SLK: variants seen among roughly 807,000 people sequenced by gnomAD.
The protein encoded by SLK is STE20 like kinase, also known as STE20-like serine/threonine-protein kinase.
A neutral mutation model predicts 147.7 loss-of-function variants in SLK; 67 were observed. The ratio of observed to expected loss-of-function variants is 0.45; its 90% confidence interval spans 0.37 to 0.56. The LOEUF is 0.56. Ranked by LOEUF, SLK falls within the 20% of genes least tolerant of loss-of-function variation. SLK has a pLI of 0.00. For missense variants in SLK, 1,136 were observed against 1,438.8 expected (o/e 0.79, Z 3.41); for synonymous variants, 441 against 475.0 (o/e 0.93, Z 0.93).
Position 104,020,460 on chromosome 10 carries a change from A to G in SLK, c.3322-28A>G, listed in dbSNP as rs757157367. ...TATAGAAATCACATGCTTCTGAACTATAGTTTATCTTTTTTTCTTATTTAT... is the reference window on the plus strand; with the variant it reads ...TATAGAAATCACATGCTTCTGAACTGTAGTTTATCTTTTTTTCTTATTTAT... On this transcript the variant is annotated intron_variant, in intron 16 of 18. Coordinates refer to ENST00000369755, the MANE Select transcript of SLK (RefSeq NM_014720.4). The G allele has an allele frequency of 3.8e-6, 6 of 1,597,958 alleles. No individual in the cohort carries two copies. In the Admixed American group the frequency reaches 5.2e-5, roughly 14 times the overall value.
chr10:103,981,429 A>C (rs1203788914), intron 1 of SLK, among the ~76,000 whole-genome samples: 1 of 152,148 alleles, frequency 6.6e-6, no homozygotes, highest in Non-Finnish European at 1.5e-5. Flanking sequence ...GTCCAGTATC[A>C]TAAAGCTTTT....
At chr10:103,987,392 C>G (rs759133806) in intron 1 of SLK, among the ~76,000 whole-genome samples, 1 of 152,096 alleles carries the variant, frequency 6.6e-6, no homozygotes, top group Non-Finnish European at 1.5e-5. Context: ...CGTCATTTTT[C>G]ATTGTAGAAC....
chr10:104,016,276 G>T (rs1229875758), intron 13 of SLK, among the ~76,000 whole-genome samples: 1 of 151,474 alleles, frequency 6.6e-6, no homozygotes, highest in South Asian at 2.1e-4. Flanking sequence ...CCGAGACCGT[G>T]CCACTGCATT....
intron 13 of SLK, among the ~76,000 whole-genome samples, chr10:104,016,751 T>C (rs1197691856): frequency 1.3e-5 from 2 of 150,078 alleles, no homozygotes; most frequent in African/African-American, 2.5e-5. Context: ...CCAACCATCC[T>C]GAGGAGTGGA....
rs576851628 is a variant in SLK at position 104,019,731 on chromosome 10, T to C, written c.3133-3T>C. The C allele has an allele frequency of 6.2e-6, 10 of 1,611,340 alleles. No individual in the cohort carries two copies. The South Asian group carries it at 7.7e-5, about 12-fold the overall frequency. On this transcript the variant is annotated splice_region_variant and splice_polypyrimidine_tract_variant and intron_variant, in intron 15 of 18. Transcript: ENST00000369755. ...CACTGGATTCTATTTAAAACTTTCA[T>C]AGGAAACAGAGCAAATGCAGCGTTA...
chr10:104,021,796 C>A, intron 18 of SLK, 63 bp downstream of exon 18: 2 of 846,002 alleles, frequency 2.4e-6, no homozygotes, highest in African/African-American at 1.7e-5. Context: ...CAGCTATTGG[C>A]TCTTTACCTA....
chr10:103,983,160 CTG>C (rs1037898190), intron 1 of SLK, among the ~76,000 whole-genome samples: 14 of 152,128 alleles, frequency 9.2e-5, no homozygotes, highest in Admixed American at 7.2e-4. Context: ...AGAATTAACT[CTG>C]TGTGTTTGCT....
At chr10:104,002,019 T>G (rs1265288865) in intron 8 of SLK, among the ~76,000 whole-genome samples, 153 bp from the exon 9 acceptor site, 1 of 152,174 alleles carries the variant, frequency 6.6e-6, no homozygotes, top group Non-Finnish European at 1.5e-5. Flanking sequence ...CCCGGCCCAT[T>G]TTTGTTATAT....
chr10:103,976,108 G>T (rs930464430), intron 1 of SLK, among the ~76,000 whole-genome samples: 33 of 152,006 alleles, frequency 2.2e-4, no homozygotes, highest in African/African-American at 7.2e-4. Context: ...TTGCCATGTT[G>T]CCCAGGCTGG....
Position 104,001,553 on chromosome 10 carries a change from A to G in SLK, c.974A>G (p.Glu325Gly), listed in dbSNP as rs1197692953. The G allele has an allele frequency of 3.1e-6, 5 of 1,613,650 alleles. No homozygotes were observed. The highest frequency in any genetic ancestry group is 4.2e-6 in the Non-Finnish European group (5 of 1,179,730). ...GATGGCAAAGAGGAAGATGAAGAGG[A>G]GGAAACAGAAAATTCTCTGGTCAGT... ...VEDGKEEDEE[E>G]ETENSLPIPA... Residue 325 changes from glutamate (E) to glycine (G), a missense_variant, in exon 8 of 19, where the codon GAG becomes GGG. Glu to Gly is a moderately conservative substitution (Grantham distance 98). Around this residue, in one of 6 missense-constraint regions of SLK, gnomAD observed 141 missense variants for 219.3 expected, o/e 0.64. Coordinates refer to ENST00000369755, the MANE Select transcript of SLK (RefSeq NM_014720.4).
chr10:104,021,086 G>A (rs1404306728), intron 17 of SLK, among the ~76,000 whole-genome samples: 2 of 152,156 alleles, frequency 1.3e-5, no homozygotes, highest in East Asian at 1.9e-4. Context: ...AAAGTTATTC[G>A]AGAGAGGGCT....
intron 9 of SLK, among the ~76,000 whole-genome samples, chr10:104,004,768 A>G (rs1294801175): frequency 1.1e-4 from 17 of 152,124 alleles, no homozygotes; most frequent in Admixed American, 5.9e-4. Flanking sequence ...TGCCCTGAAC[A>G]CTTAGTTTAC....
intron 1 of SLK, among the ~76,000 whole-genome samples, chr10:103,983,051 G>T (rs1843967206): frequency 1.1e-5 from 1 of 94,778 alleles, no homozygotes; most frequent in African/African-American, 5.2e-5. Context: ...TATGTGAGGG[G>T]TGTGTGTATG....
chr10:103,982,965 C>G (rs547872971), intron 1 of SLK, among the ~76,000 whole-genome samples: 9 of 152,172 alleles, frequency 5.9e-5, no homozygotes, highest in Non-Finnish European at 1.0e-4. Flanking sequence ...TTATACACCT[C>G]ATTTCTCTTT....
At chr10:104,003,577 T>G in intron 9 of SLK, 50 bp downstream of exon 9, 2 of 1,437,986 alleles carry the variant, frequency 1.4e-6, no homozygotes, top group South Asian at 2.9e-5. Flanking sequence ...ATTTTCTCAA[T>G]TCAGAGTTTA....
chr10:103,976,594 A>G (rs1843874640), intron 1 of SLK, among the ~76,000 whole-genome samples: 1 of 152,006 alleles, frequency 6.6e-6, no homozygotes, highest in Non-Finnish European at 1.5e-5. Context: ...TAAAAAAAAA[A>G]AGCTCTATTT....
chr10:103,972,860 T>C (rs552797949), intron 1 of SLK, among the ~76,000 whole-genome samples: 17 of 152,300 alleles, frequency 1.1e-4, no homozygotes, highest in Admixed American at 1.1e-3. Flanking sequence ...TGTGTTCAAG[T>C]CTCTTATCCA....
rs770099633 is a variant in SLK at position 104,005,614 on chromosome 10, T to C, written c.2403T>C (p.Asp801=). The change falls in exon 10 of 19, where the codon GAT becomes GAC. Residue 801 remains aspartate (D), a synonymous_variant. Transcript: ENST00000369755. ...AGAAAACACGCAAATTTATTGTTGATGGTGTAGAAGTGAGTGTAACAACAT... is the reference window on the plus strand; with the variant it reads ...AGAAAACACGCAAATTTATTGTTGACGGTGTAGAAGTGAGTGTAACAACAT... The part of the protein sequence containing the change: ...TLKKTRKFIV[D]GVEVSVTTSK... 6.2e-7 allele frequency: 1 copy of C among 1,605,808 alleles called. No homozygotes were observed.
At chr10:104,010,101 A>G (rs951116505) in intron 12 of SLK, among the ~76,000 whole-genome samples, 1 of 152,216 alleles carries the variant, frequency 6.6e-6, no homozygotes, top group Non-Finnish European at 1.5e-5. Context: ...TATCTGCTAT[A>G]ATAAATCATA....
Sources: allele counts gnomAD v4.1 joint callset (sites outside exome capture counted in the v4.1 genomes callset), GRCh38; gene constraint gnomAD v4.1.1; regional missense constraint gnomAD v4.1.1; transcripts MANE v1.5; gene names NCBI Gene and HGNC (gene_info 2026-07-23, HGNC 2026-07-21).